Variants in NBAS observed in about 807,000 individuals in gnomAD.
The protein encoded by NBAS is NBAS subunit of NRZ tethering complex.
Under a neutral mutation model 302.5 loss-of-function variants are expected in NBAS, and 219 were observed. That is an observed-to-expected ratio of 0.72 (90% CI 0.65 to 0.81). NBAS has a LOEUF of 0.81. Ranked by LOEUF, NBAS falls within the 30% of genes least tolerant of loss-of-function variation. NBAS has a pLI of 0.00. For synonymous variants in NBAS, 1,118 were observed against 1,021.6 expected, an observed-to-expected ratio of 1.09 and a Z score of -1.80; for missense variants, 2,932 against 2,841.6, an observed-to-expected ratio of 1.03 and a Z score of -0.72.
intron 21 of NBAS, among the ~76,000 whole-genome samples, chr2:15,449,712 A>T (rs982410451): frequency 9.9e-5 from 15 of 152,146 alleles, no homozygotes; most frequent in African/African-American, 3.4e-4. Context: ...TTCCCAGCCA[A>T]TAGAGGCTGT....
intron 26 of NBAS, among the ~76,000 whole-genome samples, chr2:15,397,105 G>A (rs930590779): frequency 2.0e-5 from 3 of 152,190 alleles, no homozygotes; most frequent in African/African-American, 2.4e-5. Context: ...GAGAAACACC[G>A]TCATGAAAAA....
chr2:15,476,183 G>C (rs921288465), intron 13 of NBAS, among the ~76,000 whole-genome samples: 1 of 152,112 alleles, frequency 6.6e-6, no homozygotes, highest in African/African-American at 2.4e-5. Context: ...TCAGGAGAGA[G>C]ATGTGTCACT....
the NBAS span, among the ~76,000 whole-genome samples, chr2:15,000,121 A>G: frequency 6.6e-6 from 1 of 152,228 alleles, no homozygotes; most frequent in Non-Finnish European, 1.5e-5. Flanking sequence ...TGAGTGACGA[A>G]TATCAGGGCA....
intron 25 of NBAS, among the ~76,000 whole-genome samples, chr2:15,414,587 C>T (rs930859717): frequency 6.6e-6 from 1 of 152,048 alleles, no homozygotes; most frequent in Admixed American, 6.5e-5. Context: ...TCATTTGTAC[C>T]CTTTAGAAAT....
At chr2:15,356,954 G>A (rs1465970250) in intron 32 of NBAS, among the ~76,000 whole-genome samples, 1 of 152,128 alleles carries the variant, frequency 6.6e-6, no homozygotes, top group Non-Finnish European at 1.5e-5. Context: ...CCTGTCCTTG[G>A]ACATATCCTT....
intron 11 of NBAS, among the ~76,000 whole-genome samples, chr2:15,496,140 T>C (rs1275334476): frequency 1.3e-5 from 2 of 151,296 alleles, no homozygotes; most frequent in East Asian, 1.9e-4. Flanking sequence ...TGGGCTATTA[T>C]TCAGCAATAA....
intron 21 of NBAS, among the ~76,000 whole-genome samples, chr2:15,438,720 A>G (rs1255446430): frequency 3.3e-5 from 5 of 152,220 alleles, no homozygotes; most frequent in Non-Finnish European, 5.9e-5. Context: ...AGAGAGCCAG[A>G]GTAGCTAGAA....
chr2:15,449,520 C>G (rs1006549028), intron 21 of NBAS, among the ~76,000 whole-genome samples: 10 of 152,076 alleles, frequency 6.6e-5, no homozygotes, highest in African/African-American at 2.4e-4. Flanking sequence ...AACATACTTC[C>G]AAGGCCCAAA....
chr2:15,107,881 C>T, the NBAS span, among the ~76,000 whole-genome samples: 1 of 152,120 alleles, frequency 6.6e-6, no homozygotes, highest in African/African-American at 2.4e-5. Context: ...TATTGATCTA[C>T]TTCTGTCACT....
chr2:15,434,601 C>T (rs1677920751), intron 21 of NBAS, among the ~76,000 whole-genome samples: 1 of 152,120 alleles, frequency 6.6e-6, no homozygotes, highest in Non-Finnish European at 1.5e-5. Flanking sequence ...TTTATAAATA[C>T]ATAGGTTTTA....
At chr2:15,191,780 T>G (rs934573832) in intron 48 of NBAS, among the ~76,000 whole-genome samples, 1 of 152,202 alleles carries the variant, frequency 6.6e-6, no homozygotes, top group South Asian at 2.1e-4. Context: ...CAATGTTGCC[T>G]TGCCTATTTA....
the NBAS span, among the ~76,000 whole-genome samples, chr2:15,138,043 C>T: frequency 6.6e-6 from 1 of 152,152 alleles, no homozygotes; most frequent in Non-Finnish European, 1.5e-5. Flanking sequence ...ACACACAATA[C>T]ACGAGAATCA....
intron 28 of NBAS, among the ~76,000 whole-genome samples, chr2:15,390,325 T>C (rs192232447): frequency 6.6e-6 from 1 of 152,296 alleles, no homozygotes; most frequent in Admixed American, 6.5e-5. Context: ...ACAAGAATAT[T>C]TATGCTAAGT....
chr2:15,363,648 T>C (rs1169181704), intron 32 of NBAS, among the ~76,000 whole-genome samples: 1 of 152,172 alleles, frequency 6.6e-6, no homozygotes, highest in African/African-American at 2.4e-5. Flanking sequence ...TTTCTGCCTA[T>C]AAAGGACAAA....
At chr2:14,909,517 G>T in the NBAS span, among the ~76,000 whole-genome samples, 1 of 152,144 alleles carries the variant, frequency 6.6e-6, no homozygotes, top group Non-Finnish European at 1.5e-5. Context: ...TGAGGATTGG[G>T]TTTGATATTA....
At chr2:14,796,900 C>T in the NBAS span, among the ~76,000 whole-genome samples, 3 of 145,152 alleles carry the variant, frequency 2.1e-5, no homozygotes, top group South Asian at 4.4e-4. Flanking sequence ...CGGTGAAACC[C>T]CGTCTCTCCT....
At chr2:15,323,414 T>C (rs993230211) in intron 38 of NBAS, among the ~76,000 whole-genome samples, 1 of 152,230 alleles carries the variant, frequency 6.6e-6, no homozygotes, top group African/African-American at 2.4e-5. Flanking sequence ...GCTTTCTCTG[T>C]GCTGCCTGGT....
At chr2:15,521,152 G>A (rs529724249) in intron 9 of NBAS, among the ~76,000 whole-genome samples, 1 of 152,238 alleles carries the variant, frequency 6.6e-6, no homozygotes, top group Admixed American at 6.5e-5. Flanking sequence ...TGCCCTTGTG[G>A]AGTTAACAAT....
chr2:15,114,373 T>C, the NBAS span, among the ~76,000 whole-genome samples: 1 of 152,188 alleles, frequency 6.6e-6, no homozygotes, highest in African/African-American at 2.4e-5. Context: ...TACATGTCTG[T>C]GGCCTAACCT....
Sources: gnomAD v4.1 joint callset for allele counts (sites outside exome capture counted in the v4.1 genomes callset) on GRCh38, gnomAD v4.1.1 for gene constraint, MANE v1.5 for transcripts, NCBI Gene and HGNC (gene_info 2026-07-23, HGNC 2026-07-21) for gene names.